Variants in CSMD1 observed in about 807,000 individuals in gnomAD.
CSMD1 encodes the protein CUB and Sushi multiple domains 1.
CSMD1 carries 213 observed loss-of-function variants against 417.5 expected under a neutral mutation model. The observed-to-expected ratio is 0.51, with a 90% CI of 0.46 to 0.57. The LOEUF (loss-of-function observed/expected upper bound fraction) is 0.57. Among genes scored for constraint, CSMD1 ranks in the 20% least tolerant of loss-of-function variants. The pLI, the probability that CSMD1 is intolerant of heterozygous loss-of-function variation, is 0.00. For missense variants in CSMD1, 6,923 were observed against 4,529.7 expected (o/e 1.53, Z -15.17); for synonymous variants, 2,862 against 1,736.8 (o/e 1.65, Z -16.11).
chr8:3,973,530 G>A (rs1048766317), intron 5 of CSMD1, among the ~76,000 whole-genome samples: 7 of 152,048 alleles, frequency 4.6e-5, no homozygotes, highest in South Asian at 2.1e-4. Flanking sequence ...AAGAACAAAC[G>A]TACTTCTACA....
At chr8:3,482,504 G>C (rs1239430320) in intron 11 of CSMD1, among the ~76,000 whole-genome samples, 6 of 152,110 alleles carry the variant, frequency 3.9e-5, no homozygotes, top group Non-Finnish European at 7.4e-5. Flanking sequence ...CCAAATATCA[G>C]AGCTTCACGA....
At chr8:3,410,417 C>T (rs938723317) in intron 12 of CSMD1, among the ~76,000 whole-genome samples, 1 of 152,134 alleles carries the variant, frequency 6.6e-6, no homozygotes, top group Non-Finnish European at 1.5e-5. Context: ...CGTGTTGTGG[C>T]AGGGATCTGG....
chr8:4,000,755 T>C lies in CSMD1; in HGVS notation c.611-2645A>G, dbSNP rs1311182055. ...TGTATAAATATATAATTTTATTTAA[T>C]ATTTAGATTTTATTCTTTTCTCTGA... On this transcript the variant is annotated intron_variant, in intron 4 of 69. Coordinates refer to ENST00000635120, the MANE Select transcript of CSMD1 (RefSeq NM_033225.6). Among the ~76,000 whole-genome samples, 11 of 152,000 alleles carry C rather than the reference T, an allele frequency of 7.2e-5. No homozygotes were observed. In the East Asian group the frequency reaches 1.5e-3, roughly 21 times the overall value.
At position 4,920,050 on chromosome 8, in the gene CSMD1, G is replaced by C. The variant is rs536665482; in HGVS notation, c.85+74282C>G. Among the ~76,000 whole-genome samples, 3 of 152,280 alleles carry C rather than the reference G, an allele frequency of 2.0e-5. No homozygotes were observed. The South Asian group carries it at 6.2e-4, about 32-fold the overall frequency. On this transcript the variant is annotated intron_variant, in intron 1 of 69. Transcript: ENST00000635120. ...TATTTTGCTGCAGTAGCACAAAAGA[G>C]CTAAGACAGTAGAGGAAAATAAAAT...
intron 3 of CSMD1, among the ~76,000 whole-genome samples, chr8:4,400,459 C>A (rs7831302): frequency 6.6e-6 from 1 of 152,206 alleles, no homozygotes; most frequent in African/African-American, 2.4e-5. Flanking sequence ...GAGATTCATT[C>A]ATTTGCTCCA....
intron 60 of CSMD1, among the ~76,000 whole-genome samples, chr8:2,962,878 T>G (rs924733084): frequency 1.3e-5 from 2 of 152,172 alleles, no homozygotes; most frequent in African/African-American, 4.8e-5. Flanking sequence ...GCGAAACCTA[T>G]GTCTACAACA....
intron 5 of CSMD1, among the ~76,000 whole-genome samples, chr8:3,876,459 G>T (rs28410630): frequency 6.6e-6 from 1 of 152,002 alleles, no homozygotes; most frequent in Non-Finnish European, 1.5e-5. Flanking sequence ...CCTGTCTCTT[G>T]TTGGAGAGTC....
intron 2 of CSMD1, among the ~76,000 whole-genome samples, chr8:4,530,593 G>T (rs1796761693): frequency 6.6e-6 from 1 of 151,282 alleles, no homozygotes; most frequent in African/African-American, 2.4e-5. Flanking sequence ...GGAACATGCG[G>T]TACTTGATTT....
chr8:4,283,804 T>A (rs1224639026), intron 3 of CSMD1, among the ~76,000 whole-genome samples: 1 of 152,204 alleles, frequency 6.6e-6, no homozygotes, highest in Admixed American at 6.5e-5. Context: ...AAAATCCGCT[T>A]TACCCACCTA....
intron 3 of CSMD1, among the ~76,000 whole-genome samples, chr8:4,378,634 G>T (rs914676607): frequency 6.6e-6 from 1 of 152,288 alleles, no homozygotes; most frequent in Admixed American, 6.5e-5. Context: ...AAGACAAAAA[G>T]AATAGGTGGA....
intron 12 of CSMD1, among the ~76,000 whole-genome samples, chr8:3,460,480 A>G (rs1029114882): frequency 1.3e-5 from 2 of 152,104 alleles, no homozygotes; most frequent in African/African-American, 4.8e-5. Context: ...TTTAAAAAAG[A>G]TAATTCTGAC....
At chr8:4,941,815 T>C (rs1445564245) in intron 1 of CSMD1, among the ~76,000 whole-genome samples, 11 of 152,092 alleles carry the variant, frequency 7.2e-5, no homozygotes, top group Non-Finnish European at 1.5e-5. Flanking sequence ...CCCAGGATGG[T>C]CTTGAACTCC....
chr8:3,745,873 GT>G (rs1797042747), intron 6 of CSMD1, among the ~76,000 whole-genome samples: 5 of 152,278 alleles, frequency 3.3e-5, no homozygotes, highest in African/African-American at 1.2e-4. Context: ...TATCATGTAG[GT>G]AATTGCCTGG....
chr8:3,997,429 C>A (rs1010524845), intron 5 of CSMD1, among the ~76,000 whole-genome samples: 2 of 152,150 alleles, frequency 1.3e-5, no homozygotes, highest in Non-Finnish European at 2.9e-5. Context: ...CTTTGAGGAT[C>A]TTGTAGCCAC....
At chr8:4,717,991 G>C (rs1808795715) in intron 1 of CSMD1, among the ~76,000 whole-genome samples, 1 of 152,170 alleles carries the variant, frequency 6.6e-6, no homozygotes, top group Non-Finnish European at 1.5e-5. Context: ...TTTATTATTT[G>C]TTTTGAGACT....
chr8:3,824,264 A>C (rs988011846), intron 5 of CSMD1, among the ~76,000 whole-genome samples: 4 of 152,066 alleles, frequency 2.6e-5, no homozygotes, highest in Non-Finnish European at 4.4e-5. Context: ...AAAAAAAAAA[A>C]CTGCTGACTC....
At chr8:4,669,143 T>A (rs1202182303) in intron 1 of CSMD1, among the ~76,000 whole-genome samples, 4 of 152,216 alleles carry the variant, frequency 2.6e-5, no homozygotes, top group African/African-American at 4.8e-5. Flanking sequence ...TCTCCCTATT[T>A]CCTTCTTCGC....
chr8:4,567,152 A>G (rs527413387), intron 2 of CSMD1, among the ~76,000 whole-genome samples: 2 of 152,358 alleles, frequency 1.3e-5, no homozygotes, highest in African/African-American at 4.8e-5. Flanking sequence ...AGAGTATTCC[A>G]TGAATGTTTA....
intron 1 of CSMD1, among the ~76,000 whole-genome samples, chr8:4,756,501 G>C (rs1488156688): frequency 6.6e-6 from 1 of 152,130 alleles, no homozygotes; most frequent in Non-Finnish European, 1.5e-5. Flanking sequence ...AATAATATTT[G>C]TTTTAACCCC....
Sources: gnomAD v4.1 joint callset for allele counts (sites outside exome capture counted in the v4.1 genomes callset) on GRCh38, gnomAD v4.1.1 for gene constraint, MANE v1.5 for transcripts, NCBI Gene and HGNC (gene_info 2026-07-23, HGNC 2026-07-21) for gene names.